PDE11A: variants seen among roughly 807,000 people sequenced by gnomAD.
PDE11A encodes the protein dual 3',5'-cyclic-AMP and -GMP phosphodiesterase 11A.
In PDE11A, 100 loss-of-function variants were observed where a neutral mutation model predicts 100.5. That is an observed-to-expected ratio of 1.00 (90% confidence interval 0.85 to 1.18). The LOEUF (loss-of-function observed/expected upper bound fraction) is 1.18, where lower values mean the gene tolerates loss of function less well. Ranked by LOEUF, PDE11A falls within the 50% of genes most tolerant of loss-of-function variation. The probability of loss-of-function intolerance (pLI) is 0.00; values close to 1 mark genes in which losing one functional copy is unlikely to be tolerated. For missense variants in PDE11A, 1,141 were observed against 1,152.6 expected (o/e 0.99, Z 0.15); for synonymous variants, 381 against 420.8 (o/e 0.91, Z 1.16).
intron 10 of PDE11A, among the ~76,000 whole-genome samples, chr2:177,756,959 C>T (rs137937148): frequency 5.9e-5 from 9 of 152,254 alleles, no homozygotes; most frequent in Non-Finnish European, 8.8e-5. Flanking sequence ...CACAATCAGA[C>T]GATAAGGAGG....
At chr2:177,873,632 C>A (rs1310285102) in intron 5 of PDE11A, among the ~76,000 whole-genome samples, 1 of 152,106 alleles carries the variant, frequency 6.6e-6, no homozygotes, top group Non-Finnish European at 1.5e-5. Context: ...CAAGACACAG[C>A]GTGGTTCCAT....
intron 14 of PDE11A, among the ~76,000 whole-genome samples, chr2:177,698,117 C>A (rs2081142846): frequency 1.3e-5 from 2 of 152,158 alleles, no homozygotes; most frequent in Non-Finnish European, 1.5e-5. Flanking sequence ...GTGCCTCCCA[C>A]CATTAAGGTG....
At chr2:177,761,762 G>A (rs766930217) in intron 10 of PDE11A, among the ~76,000 whole-genome samples, 2 of 152,184 alleles carry the variant, frequency 1.3e-5, no homozygotes, top group Non-Finnish European at 2.9e-5. Flanking sequence ...CAGGGAATGG[G>A]CAGAAAACAC....
In PDE11A at chr2:177,742,859, T is replaced by C. The variant is rs567675810; in HGVS notation, c.1789-14687A>G. ...AAAGGTCAGTAGAGGTAATGGAGGT[T>C]CTGACTTTTAATCCCCATCCTGAAA... On this transcript the variant is annotated intron_variant, in intron 10 of 19. Coordinates refer to ENST00000286063, the MANE Select transcript of PDE11A (RefSeq NM_016953.4). Among the ~76,000 whole-genome samples the C allele has an allele frequency of 3.9e-5, 6 of 152,288 alleles. No individual in the cohort carries two copies. In the South Asian group the frequency reaches 1.2e-3, roughly 32 times the overall value.
intron 6 of PDE11A, among the ~76,000 whole-genome samples, chr2:177,830,151 C>T (rs2083285894): frequency 1.3e-5 from 2 of 152,112 alleles, no homozygotes; most frequent in Non-Finnish European, 2.9e-5. Context: ...ACTCAATTCT[C>T]CCAACAATCT....
At chr2:177,914,440 G>A (rs2084923910) in intron 2 of PDE11A, among the ~76,000 whole-genome samples, 1 of 152,034 alleles carries the variant, frequency 6.6e-6, no homozygotes, top group South Asian at 2.1e-4. Context: ...AAAGATATCT[G>A]CCTATATAAC....
chr2:178,103,635 TAG>T (rs1226786394), intron 2 of PDE11A, among the ~76,000 whole-genome samples: 3 of 151,832 alleles, frequency 2.0e-5, no homozygotes, highest in Non-Finnish European at 2.9e-5. Context: ...AAGTTTCAAA[TAG>T]AGTTATACCC....
chr2:177,702,742 A>G (rs2081219451), intron 13 of PDE11A: 1 of 152,208 alleles, frequency 6.6e-6, no homozygotes, highest in Non-Finnish European at 1.5e-5. Context: ...CTTTTCCAGC[A>G]GGATTAGGTT....
chr2:178,011,939 T>C (rs1266716414), intron 2 of PDE11A: 1 of 152,242 alleles, frequency 6.6e-6, no homozygotes, highest in East Asian at 1.9e-4. Flanking sequence ...TACTTTGCTG[T>C]CTTCTCTTAT....
chr2:177,883,276 A>AG (rs2084376591), intron 4 of PDE11A, among the ~76,000 whole-genome samples: 1 of 152,010 alleles, frequency 6.6e-6, no homozygotes, highest in African/African-American at 2.4e-5. Context: ...TCAAAAAAAA[A>AG]AAAAAGAAAA....
chr2:177,937,872 A>G (rs1472866007), intron 2 of PDE11A, among the ~76,000 whole-genome samples: 1 of 152,142 alleles, frequency 6.6e-6, no homozygotes, highest in Non-Finnish European at 1.5e-5. Context: ...CTATAGATTT[A>G]TTTTCTGAAG....
chr2:177,673,755 T>C (rs145859256), intron 17 of PDE11A, among the ~76,000 whole-genome samples: 2 of 152,312 alleles, frequency 1.3e-5, no homozygotes, highest in South Asian at 2.1e-4. Context: ...CTGGTAGTCA[T>C]GCATTCACTA....
chr2:177,650,814 C>T (rs2080296995), intron 19 of PDE11A, among the ~76,000 whole-genome samples: 1 of 152,122 alleles, frequency 6.6e-6, no homozygotes, highest in Non-Finnish European at 1.5e-5. Flanking sequence ...TTTTGCTTTC[C>T]CCTCCTACAG....
chr2:177,698,490 A>AACT (rs2081150734), intron 14 of PDE11A: 2 of 152,158 alleles, frequency 1.3e-5, no homozygotes, highest in South Asian at 4.1e-4. Context: ...CCAGTTTTAA[A>AACT]TCTCGTGTTG....
At chr2:177,985,116 A>C (rs2085925778) in intron 2 of PDE11A, among the ~76,000 whole-genome samples, 1 of 152,260 alleles carries the variant, frequency 6.6e-6, no homozygotes, top group Non-Finnish European at 1.5e-5. Flanking sequence ...ATTTGATATA[A>C]TTGAAATCAG....
At chr2:177,999,391 AC>A (rs1269942518) in intron 2 of PDE11A, among the ~76,000 whole-genome samples, 2 of 152,258 alleles carry the variant, frequency 1.3e-5, no homozygotes, top group Admixed American at 6.5e-5. Flanking sequence ...AATACCTATA[AC>A]AAATTTCAGT....
intron 6 of PDE11A, among the ~76,000 whole-genome samples, chr2:177,824,329 A>T (rs1055252943): frequency 6.6e-6 from 1 of 152,226 alleles, no homozygotes; most frequent in African/African-American, 2.4e-5. Flanking sequence ...GTAAGATTTA[A>T]GTTAATTGCA....
intron 12 of PDE11A, among the ~76,000 whole-genome samples, chr2:177,719,698 A>G (rs1236576555): frequency 1.3e-5 from 2 of 152,258 alleles, no homozygotes; most frequent in East Asian, 3.9e-4. Flanking sequence ...GGCAGTATTT[A>G]CAGAAGAAGC....
At chr2:177,856,473 C>A (rs1474390325) in intron 5 of PDE11A, among the ~76,000 whole-genome samples, 7 of 151,762 alleles carry the variant, frequency 4.6e-5, no homozygotes, top group Non-Finnish European at 1.0e-4. Flanking sequence ...GTTGGACTTA[C>A]TAGACAAAGT....
Sources: allele counts gnomAD v4.1 joint callset (sites outside exome capture counted in the v4.1 genomes callset), GRCh38; gene constraint gnomAD v4.1.1; transcripts MANE v1.5; gene names NCBI Gene and HGNC (gene_info 2026-07-23, HGNC 2026-07-21).